DMD: variants seen among roughly 807,000 people sequenced by gnomAD.
DMD encodes the protein dystrophin.
In DMD, 63 loss-of-function variants were observed where a neutral mutation model predicts 330.1. That is an observed-to-expected ratio of 0.19 (90% CI 0.16 to 0.24). The LOEUF is 0.24. DMD is among the 10% of genes least tolerant of loss of function. DMD has a pLI of 1.00. For missense variants in DMD, 3,344 were observed against 2,684.1 expected (o/e 1.25, Z -5.43); for synonymous variants, 1,223 against 959.8 (o/e 1.27, Z -5.07).
chrX:32,831,649 CGTGTGTGT>C (rs6151283), intron 4 of DMD, among the ~76,000 whole-genome samples: 1,163 of 89,704 alleles, frequency 0.013, 14 homozygotes, highest in East Asian at 0.066. Context: ...AAGATATTTA[CGTGTGTGT>C]GTGTGTGTGT....
At chrX:31,699,243 T>A (rs1020356550) in intron 52 of DMD, among the ~76,000 whole-genome samples, 6 of 112,050 alleles carry the variant, frequency 5.4e-5, no homozygotes, top group African/African-American at 1.9e-4. Flanking sequence ...GAGGATAGAT[T>A]GGATGATCCC....
In DMD at chrX:33,050,830, A is replaced by T. The variant is rs2094447487; in HGVS notation, c.32-30630T>A. 5.3e-5 allele frequency among the ~76,000 whole-genome samples: 6 copies of T among 112,498 alleles called. No individual in the cohort carries two copies. In the Admixed American group the frequency reaches 5.7e-4, roughly 11 times the overall value. ...AAAATGTGTTTCTCAATACCTGTGT[A>T]GCCATTTAGAAATCTAAAGAGCAAG... On this transcript the variant is annotated intron_variant, in intron 1 of 78. Transcript: ENST00000357033.
At chrX:32,342,347 A>G in intron 40 of DMD, 65 bp from the exon 41 acceptor site, 2 of 1,108,765 alleles carry the variant, frequency 1.8e-6, no homozygotes, top group Non-Finnish European at 2.5e-6. Flanking sequence ...ACTTGCAAGC[A>G]GCAAATACTT....
chrX:32,100,814 T>C (rs1243216479), intron 44 of DMD, among the ~76,000 whole-genome samples: 1 of 111,841 alleles, frequency 8.9e-6, no homozygotes, highest in Non-Finnish European at 1.9e-5. Context: ...ATTCTGTTTT[T>C]AGCTTCACAT....
chrX:31,706,571 C>T (rs925869315), intron 52 of DMD, among the ~76,000 whole-genome samples: 12 of 110,149 alleles, frequency 1.1e-4, no homozygotes, highest in Admixed American at 1.9e-4. Flanking sequence ...TTTTTGGTTA[C>T]GTCAGACTCT....
intron 2 of DMD, among the ~76,000 whole-genome samples, chrX:32,893,470 T>TA (rs200174616): frequency 0.46 from 50,238 of 110,299 alleles, 8,346 homozygotes; most frequent in East Asian, 0.69. Context: ...ATATGTGAAT[T>TA]ACCTTGCACA....
chrX:32,200,635 C>T (rs7877590), intron 44 of DMD, among the ~76,000 whole-genome samples: 9,298 of 111,316 alleles, frequency 0.084, 871 homozygotes, highest in African/African-American at 0.27. Flanking sequence ...TTTTTCATAG[C>T]CACATTTTTA....
At chrX:32,379,920 TA>T (rs1186423994) in intron 34 of DMD, among the ~76,000 whole-genome samples, 53 of 103,360 alleles carry the variant, frequency 5.1e-4, no homozygotes, top group Admixed American at 7.4e-4. Flanking sequence ...GAATAAACAG[TA>T]AAAAAAAAAA....
intron 18 of DMD, among the ~76,000 whole-genome samples, chrX:32,508,848 T>C (rs1422701396): frequency 9.0e-6 from 1 of 110,770 alleles, no homozygotes; most frequent in Non-Finnish European, 1.9e-5. Context: ...TCTCGCTCTG[T>C]CGCCCAGGCT....
intron 41 of DMD, among the ~76,000 whole-genome samples, chrX:32,337,853 G>A (rs1252453092): frequency 1.8e-5 from 2 of 110,510 alleles, no homozygotes; most frequent in East Asian, 5.7e-4. Flanking sequence ...CCAAATTTTA[G>A]GATTATAAGC....
At chrX:32,384,006 T>A (rs1031681144) in intron 33 of DMD, among the ~76,000 whole-genome samples, 3 of 110,239 alleles carry the variant, frequency 2.7e-5, no homozygotes, top group Non-Finnish European at 5.7e-5. Context: ...TTTTCTTAAT[T>A]TAAAAAATAC....
intron 1 of DMD, among the ~76,000 whole-genome samples, chrX:33,244,581 T>C (rs191334175): frequency 6.6e-4 from 74 of 112,000 alleles, no homozygotes; most frequent in Non-Finnish European, 1.3e-3. Flanking sequence ...TTTTGCTTGG[T>C]TTGATTTTCC....
intron 7 of DMD, among the ~76,000 whole-genome samples, chrX:32,748,461 C>A (rs1019967075): frequency 1.8e-4 from 20 of 111,224 alleles, no homozygotes; most frequent in African/African-American, 6.5e-4. Context: ...GTTTAATTTT[C>A]ATTAAGTACC....
chrX:31,890,595 T>G (rs1238287606), intron 47 of DMD, among the ~76,000 whole-genome samples: 1 of 111,466 alleles, frequency 9.0e-6, no homozygotes, highest in East Asian at 2.8e-4. Context: ...TACTACACTA[T>G]TTGCTTATGC....
chrX:33,265,271 CG>C (rs2053024346), intron 1 of DMD, among the ~76,000 whole-genome samples: 1 of 110,609 alleles, frequency 9.0e-6, no homozygotes, highest in South Asian at 3.8e-4. Context: ...TCAACACACC[CG>C]GAGGGCTCTT....
At chrX:32,231,766 A>G (rs1303249098) in intron 43 of DMD, among the ~76,000 whole-genome samples, 1 of 111,871 alleles carries the variant, frequency 8.9e-6, no homozygotes, top group Non-Finnish European at 1.9e-5. Context: ...TTCATTTACC[A>G]TATTAGTGAA....
intron 11 of DMD, among the ~76,000 whole-genome samples, chrX:32,624,022 T>C (rs1409153042): frequency 8.9e-6 from 1 of 112,258 alleles, no homozygotes; most frequent in Non-Finnish European, 1.9e-5. Flanking sequence ...TGGCTTCATA[T>C]AGTTCAATTT....
chrX:32,194,866 G>A (rs1358080541), intron 44 of DMD, among the ~76,000 whole-genome samples: 2 of 111,477 alleles, frequency 1.8e-5, no homozygotes, highest in Non-Finnish European at 3.8e-5. Flanking sequence ...ATAAAGAGTT[G>A]GGTGTTCATC....
At chrX:32,542,131 C>T (rs2048541729) in intron 17 of DMD, among the ~76,000 whole-genome samples, 1 of 111,037 alleles carries the variant, frequency 9.0e-6, no homozygotes, top group Non-Finnish European at 1.9e-5. Flanking sequence ...GGAGATAATC[C>T]AGATAAAGAA....
Sources: allele counts gnomAD v4.1 joint callset (sites outside exome capture counted in the v4.1 genomes callset), GRCh38; gene constraint gnomAD v4.1.1; transcripts MANE v1.5; gene names NCBI Gene and HGNC (gene_info 2026-07-23, HGNC 2026-07-21).